ZSCAN5A: variants seen among roughly 807,000 people sequenced by gnomAD.
ZSCAN5A encodes zinc finger and SCAN domain containing 5A.
A neutral mutation model predicts 23.7 loss-of-function variants in ZSCAN5A; 12 were observed. The ratio of observed to expected loss-of-function variants is 0.51; its 90% CI spans 0.32 to 0.82. The LOEUF is 0.82. ZSCAN5A is among the 40% of genes least tolerant of loss of function. The probability of loss-of-function intolerance (pLI) is 0.03; values close to 1 mark genes in which losing one functional copy is unlikely to be tolerated. For missense variants in ZSCAN5A, 597 were observed against 617.9 expected, an observed-to-expected ratio of 0.97 and a Z score of 0.36; for synonymous variants, 257 against 239.9, an observed-to-expected ratio of 1.07 and a Z score of -0.66.
chr19:56,228,793 T>G (rs1242857104), intron 2 of ZSCAN5A, among the ~76,000 whole-genome samples: 1 of 152,212 alleles, frequency 6.6e-6, no homozygotes, highest in Non-Finnish European at 1.5e-5. Context: ...TGATACATAA[T>G]GAATATTGGT....
chr19:56,310,625 T>A (rs116838157), intron 2 of ZSCAN5A, among the ~76,000 whole-genome samples: 2 of 152,228 alleles, frequency 1.3e-5, no homozygotes, highest in Non-Finnish European at 2.9e-5. Context: ...CAGCTGAGAT[T>A]TGACCCAGTT....
At chr19:56,282,482 T>C in intron 2 of ZSCAN5A, 6 of 985,408 alleles carry the variant, frequency 6.1e-6, no homozygotes, top group Non-Finnish European at 7.2e-6. Context: ...GCTGCTTGTC[T>C]GCCAACAGTG....
intron 2 of ZSCAN5A, among the ~76,000 whole-genome samples, chr19:56,324,834 A>G (rs1031717112): frequency 1.3e-5 from 2 of 152,320 alleles, no homozygotes; most frequent in East Asian, 1.9e-4. Flanking sequence ...TTCACCCAGC[A>G]CTGTTTTGGA....
chr19:56,307,360 T>C lies in ZSCAN5A; in HGVS notation c.-128+5923A>G, dbSNP rs147292470. On this transcript the variant is annotated intron_variant, in intron 2 of 5. Transcript: ENST00000683990. ...ACCAGTGGAAACTCACCAACTATGA[T>C]GAGTGTCTTTCAAACTTTAAAAGAA... Among the ~76,000 whole-genome samples the C allele has an allele frequency of 1.1e-3, 166 of 152,318 alleles. 4 individuals are homozygous for C. In the East Asian group the frequency reaches 0.022, roughly 20 times the overall value.
intron 4 of ZSCAN5A, 89 bp downstream of exon 4, chr19:56,223,542 T>C (rs1233699298): frequency 9.5e-6 from 13 of 1,369,078 alleles, no homozygotes; most frequent in East Asian, 4.8e-5. Context: ...TTGTCCTGTG[T>C]CAAATCTCTC....
intron 2 of ZSCAN5A, among the ~76,000 whole-genome samples, chr19:56,337,703 G>A (rs1255677117): frequency 6.6e-6 from 1 of 152,208 alleles, no homozygotes; most frequent in African/African-American, 2.4e-5. Flanking sequence ...GTAGACTGGA[G>A]CTGTTCCTAT....
intron 2 of ZSCAN5A, among the ~76,000 whole-genome samples, chr19:56,255,573 C>T (rs1266746869): frequency 6.6e-6 from 1 of 152,088 alleles, no homozygotes; most frequent in East Asian, 1.9e-4. Flanking sequence ...TTCCCAAACC[C>T]CTCTTGCCTG....
At chr19:56,278,027 C>T (rs1337589460) in intron 2 of ZSCAN5A, among the ~76,000 whole-genome samples, 1 of 151,590 alleles carries the variant, frequency 6.6e-6, no homozygotes, top group Non-Finnish European at 1.5e-5. Flanking sequence ...TACATTTTTG[C>T]AAATCTCTTT....
chr19:56,333,781 A>G (rs2041510447), intron 2 of ZSCAN5A, among the ~76,000 whole-genome samples: 1 of 152,164 alleles, frequency 6.6e-6, no homozygotes, highest in African/African-American at 2.4e-5. Context: ...GGGCTATAAA[A>G]GCAAAGCCAA....
intron 3 of ZSCAN5A, 111 bp downstream of exon 3, chr19:56,224,535 GGGCAAACTCTCCTCTAC>G (rs2033701014): frequency 8.5e-7 from 1 of 1,174,162 alleles, no homozygotes; most frequent in African/African-American, 1.5e-5. Context: ...TGTCCCCGAC[GGGCAAACTCTCCTCTAC>G]TTGGAAGCCC....
chr19:56,280,270 T>A (rs942763195), intron 2 of ZSCAN5A, among the ~76,000 whole-genome samples: 30 of 152,218 alleles, frequency 2.0e-4, no homozygotes, highest in African/African-American at 7.2e-4. Flanking sequence ...ATAAGGAGCA[T>A]CCTCAACCTC....
rs201140936 is a variant in ZSCAN5A, at chr19:56,225,004, A to C, written c.43T>G (p.Cys15Gly). The C allele has an allele frequency of 5.0e-6, 8 of 1,613,674 alleles. No homozygotes were observed. In the East Asian group the frequency reaches 1.3e-4, roughly 27 times the overall value. ...GGCAGCTCCAACCCAGGTCTGTTGC[A>C]GGATTCTCCTAGACTCCATGAGGAT... is the stretch of plus-strand genomic sequence containing the variant. Reference protein sequence around the residue: ...CTSSWSLGESCNRPGLELPRS... With the variant: ...CTSSWSLGESGNRPGLELPRS... Residue 15 changes from cysteine to glycine, a missense_variant, in exon 3 of 6, where the codon TGC becomes GGC. This residue lies in a region of ZSCAN5A where 72 missense variants were observed against 76.8 expected (regional missense o/e 0.94). Transcript: ENST00000683990.
intron 2 of ZSCAN5A, among the ~76,000 whole-genome samples, chr19:56,353,156 G>A (rs2041678205): frequency 6.6e-6 from 1 of 152,204 alleles, no homozygotes; most frequent in Non-Finnish European, 1.5e-5. Flanking sequence ...GAGGTTTCAG[G>A]CAAAGAATAG....
chr19:56,289,382 C>T (rs904384385), intron 2 of ZSCAN5A, among the ~76,000 whole-genome samples: 1 of 151,886 alleles, frequency 6.6e-6, no homozygotes, highest in Non-Finnish European at 1.5e-5. Flanking sequence ...GGGGCCAGGC[C>T]CTTTACAGAG....
At chr19:56,224,031 C>G (rs1240816989) in intron 3 of ZSCAN5A, among the ~76,000 whole-genome samples, 197 bp from the exon 4 acceptor site, 1 of 151,664 alleles carries the variant, frequency 6.6e-6, no homozygotes, top group Non-Finnish European at 1.5e-5. Flanking sequence ...CTGCCTGCGC[C>G]TGGAATATTC....
intron 2 of ZSCAN5A, among the ~76,000 whole-genome samples, chr19:56,345,096 A>C (rs1465928794): frequency 2.0e-5 from 3 of 150,760 alleles, no homozygotes; most frequent in African/African-American, 2.5e-5. Context: ...ACAGAGCGAG[A>C]CTACATCTCA....
At chr19:56,326,494 C>T (rs2147430940) in intron 2 of ZSCAN5A, among the ~76,000 whole-genome samples, 1 of 152,202 alleles carries the variant, frequency 6.6e-6, no homozygotes, top group Non-Finnish European at 1.5e-5. Flanking sequence ...AACCCTCCAC[C>T]CCTGGTAACT....
At chr19:56,240,694 T>A (rs1281820677) in intron 2 of ZSCAN5A, among the ~76,000 whole-genome samples, 1 of 152,188 alleles carries the variant, frequency 6.6e-6, no homozygotes. Context: ...TGGCTTGTTA[T>A]GAAACCCTTA....
At chr19:56,315,354 A>C (rs1374904801), upstream of ZSCAN5A, 1 of 152,280 alleles carries the variant, frequency 6.6e-6, no homozygotes, top group Non-Finnish European at 1.5e-5. Flanking sequence ...GCGGTGTCGC[A>C]TGTCGTCTGC....
Sources: gnomAD v4.1 joint callset for allele counts (sites outside exome capture counted in the v4.1 genomes callset) on GRCh38, gnomAD v4.1.1 for gene constraint, gnomAD v4.1.1 regional missense constraint, MANE v1.5 for transcripts, NCBI Gene and HGNC (gene_info 2026-07-23, HGNC 2026-07-21) for gene names.